Variants in TP73 observed in about 807,000 individuals in gnomAD.
TP73 encodes p53-like transcription factor.
Under a neutral mutation model 62.5 loss-of-function variants are expected in TP73, and 25 were observed. The ratio of observed to expected loss-of-function variants is 0.40; its 90% confidence interval spans 0.29 to 0.56. The LOEUF is 0.56. TP73 is among the 20% of genes least tolerant of loss of function. The pLI is 0.46. For missense variants in TP73, 754 were observed against 913.3 expected (o/e 0.83, Z 2.25); for synonymous variants, 423 against 377.5 (o/e 1.12, Z -1.40).
At position 3,711,846 on chromosome 1, in the gene TP73, A is replaced by ATGTGTGTGTG. The variant is rs3841787; in HGVS notation, c.429+4068_429+4077dup. On this transcript the variant is annotated intron_variant, in intron 4 of 13. Coordinates refer to ENST00000378295, the MANE Select transcript of TP73 (RefSeq NM_005427.4). ...CGTGTGTGTGTGCGCGAGCGTGTGT[A>ATGTGTGTGTG]TGTGTGTGTGTGTGTGTGTGTGCGC... Among the ~76,000 whole-genome samples the ATGTGTGTGTG allele has an allele frequency of 3.8e-3, 577 of 150,216 alleles. 2 individuals carry two copies. The highest frequency in any genetic ancestry group is 0.014 in the African/African-American group (555 of 40,848).
chr1:3,682,563 C>A, intron 2 of TP73, 133 bp downstream of exon 2: 1 of 873,780 alleles, frequency 1.1e-6, no homozygotes, highest in Non-Finnish European at 1.6e-6. Context: ...CTAGCCCCAG[C>A]CACCCTCACT....
At chr1:3,692,651 C>T (rs1422365010) in intron 3 of TP73, among the ~76,000 whole-genome samples, 7 of 152,308 alleles carry the variant, frequency 4.6e-5, no homozygotes, top group African/African-American at 1.2e-4. Context: ...GCCTGGAACC[C>T]GAGGTGGATC....
At chr1:3,726,449 G>C (rs1360573681) in intron 6 of TP73, among the ~76,000 whole-genome samples, 1 of 136,668 alleles carries the variant, frequency 7.3e-6, no homozygotes, top group Non-Finnish European at 1.5e-5. Flanking sequence ...GTGTGGGTGG[G>C]TGGATGGGTG....
intron 3 of TP73, among the ~76,000 whole-genome samples, chr1:3,695,800 G>A (rs533615202): frequency 3.9e-5 from 6 of 152,342 alleles, no homozygotes; most frequent in South Asian, 4.1e-4. Flanking sequence ...TAGACCACAG[G>A]GGGGCAGGGC....
Position 3,696,349 on chromosome 1 carries a change from A to C in TP73, c.187-11200A>C, listed in dbSNP as rs952019965. ...GGCAGGGTCTGGATGTGAGGTGGGT[A>C]AGGAGTTGGGGCCACACTGGCAGGA... On this transcript the variant is annotated intron_variant, in intron 3 of 13. Coordinates refer to ENST00000378295, the MANE Select transcript of TP73 (RefSeq NM_005427.4). This position sits in a 1 kb window ranked among gnomAD's most constrained non-coding sequence, Gnocchi z 4.1. Among the ~76,000 whole-genome samples, 4 of 151,872 alleles carry C rather than the reference A, an allele frequency of 2.6e-5. No homozygotes were observed. The highest frequency in any genetic ancestry group is 9.7e-5 in the African/African-American group (4 of 41,332).
chr1:3,673,760 G>A (rs372927063), intron 1 of TP73, among the ~76,000 whole-genome samples: 3 of 152,328 alleles, frequency 2.0e-5, no homozygotes, highest in African/African-American at 4.8e-5. Context: ...AGGACAAGGC[G>A]GGCCTCTTGG....
intron 4 of TP73, among the ~76,000 whole-genome samples, chr1:3,716,646 T>C (rs1208050931): frequency 1.3e-5 from 2 of 152,148 alleles, no homozygotes; most frequent in African/African-American, 4.8e-5. Flanking sequence ...TGTGCACCAG[T>C]GAAGGCCACA....
At chr1:3,679,252 C>T (rs1395803294) in intron 1 of TP73, among the ~76,000 whole-genome samples, 3 of 152,168 alleles carry the variant, frequency 2.0e-5, no homozygotes, top group African/African-American at 7.2e-5. Flanking sequence ...ACAGCCAACG[C>T]CCATGTCCCA....
At chr1:3,703,827 G>A (rs1474275823) in intron 3 of TP73, among the ~76,000 whole-genome samples, 3 of 152,190 alleles carry the variant, frequency 2.0e-5, no homozygotes, top group Non-Finnish European at 2.9e-5. Context: ...CTTGAGCCCC[G>A]GGATGTTCTT....
At chr1:3,659,192 C>G (rs1644935681) in intron 1 of TP73, 1 of 144,332 alleles carries the variant, frequency 6.9e-6, no homozygotes, top group Non-Finnish European at 1.5e-5. Flanking sequence ...AAAAAAAAAG[C>G]TAATCATTGG....
intron 4 of TP73, among the ~76,000 whole-genome samples, chr1:3,713,519 A>G (rs1296576159): frequency 6.6e-6 from 1 of 152,058 alleles, no homozygotes; most frequent in Non-Finnish European, 1.5e-5. Flanking sequence ...CTGGGCAGTG[A>G]GTTAGTTTTG....
intron 3 of TP73, among the ~76,000 whole-genome samples, chr1:3,691,663 A>G (rs34868661): frequency 0.29 from 44,463 of 152,006 alleles, 7,463 homozygotes; most frequent in Non-Finnish European, 0.37. Flanking sequence ...CCAGGCAGGC[A>G]CCAGCTGCTA....
intron 6 of TP73, among the ~76,000 whole-genome samples, chr1:3,725,583 T>TGGGG (rs1641452410): frequency 1.6e-5 from 1 of 61,110 alleles, no homozygotes; most frequent in African/African-American, 7.4e-5. Flanking sequence ...GATGGATGGG[T>TGGGG]GGGTGGGTGA....
chr1:3,720,862 C>A (rs1445824808), intron 4 of TP73, among the ~76,000 whole-genome samples: 1 of 152,256 alleles, frequency 6.6e-6, no homozygotes, highest in Non-Finnish European at 1.5e-5. Context: ...CAGTAGCTCC[C>A]TGTCTCTGAC....
At chr1:3,724,246 G>A (rs1448196619) in intron 6 of TP73, among the ~76,000 whole-genome samples, 1 of 152,132 alleles carries the variant, frequency 6.6e-6, no homozygotes, top group East Asian at 1.9e-4. Context: ...AACAGGAGGT[G>A]AGGAGTGGGT....
chr1:3,730,187 G>C lies in TP73; in HGVS notation c.1345+39G>C. On this transcript the variant is annotated intron_variant, in intron 11 of 13. Coordinates refer to ENST00000378295, the MANE Select transcript of TP73 (RefSeq NM_005427.4). The stretch of plus-strand genomic sequence containing the variant: ...GCAGTGCGGGCCCACGGGCAGGGCG[G>C]GGAGGCCCACTGGGGGCGCCTAGCT... The C allele has an allele frequency of 2.7e-6, 4 of 1,479,638 alleles. No individual in the cohort carries two copies. In the East Asian group the frequency reaches 7.5e-5, roughly 28 times the overall value. 91.7% of individuals were successfully genotyped at this position (1,479,638 alleles called of 1,614,324 possible).
At chr1:3,697,965 G>A in intron 3 of TP73, 1 of 475,204 alleles carries the variant, frequency 2.1e-6, no homozygotes, top group Non-Finnish European at 2.8e-6. Flanking sequence ...CCCCGTGACT[G>A]CCTCCCCCTC....
chr1:3,668,292 A>G (rs1282674504), intron 1 of TP73, among the ~76,000 whole-genome samples: 1 of 152,194 alleles, frequency 6.6e-6, no homozygotes, highest in South Asian at 2.1e-4. Context: ...GCCAACAGCC[A>G]TGAGTAGCTG....
At chr1:3,661,798 C>G (rs1341494488) in intron 1 of TP73, among the ~76,000 whole-genome samples, 1 of 145,930 alleles carries the variant, frequency 6.9e-6, no homozygotes, top group Non-Finnish European at 1.5e-5. Context: ...TATACATACA[C>G]TATATATAAT....
Sources: gnomAD v4.1 joint callset for allele counts (sites outside exome capture counted in the v4.1 genomes callset) on GRCh38, gnomAD v4.1.1 for gene constraint, Gnocchi (gnomAD v3.1) non-coding constraint, MANE v1.5 for transcripts, NCBI Gene and HGNC (gene_info 2026-07-23, HGNC 2026-07-21) for gene names.